Variants in JAK1 observed in about 807,000 individuals in gnomAD.
The protein encoded by JAK1 is Janus kinase 1.
JAK1 carries 16 observed loss-of-function variants against 136.6 expected under a neutral mutation model. That is an observed-to-expected ratio of 0.12 (90% confidence interval 0.08 to 0.18). JAK1 has a LOEUF of 0.18. JAK1 is among the 10% of genes least tolerant of loss of function. The pLI is 1.00. For missense variants in JAK1, 859 were observed against 1,450.1 expected (o/e 0.59, Z 6.62); for synonymous variants, 492 against 519.5 (o/e 0.95, Z 0.72).
intron 7 of JAK1, among the ~76,000 whole-genome samples, chr1:64,866,186 T>TA (rs1656693048): frequency 2.0e-5 from 3 of 152,226 alleles, no homozygotes; most frequent in Admixed American, 2.0e-4. Context: ...CCTTATGAGT[T>TA]AGACAGTAGG....
At chr1:64,922,792 A>C (rs1022124812) in intron 1 of JAK1, among the ~76,000 whole-genome samples, 2 of 152,150 alleles carry the variant, frequency 1.3e-5, no homozygotes, top group African/African-American at 4.8e-5. Context: ...AAATATCAAA[A>C]AGACCATAAG....
At chr1:64,846,837 A>C (rs1570626016) in intron 13 of JAK1, 101 bp from the exon 14 acceptor site, 179 of 835,942 alleles carry the variant, frequency 2.1e-4, no homozygotes, top group Non-Finnish European at 2.9e-4. Flanking sequence ...AGGAAAGCTC[A>C]CCACTGTCGC....
intron 2 of JAK1, among the ~76,000 whole-genome samples, chr1:65,025,567 A>T (rs148838354): frequency 6.6e-6 from 1 of 152,202 alleles, no homozygotes; most frequent in Non-Finnish European, 1.5e-5. Flanking sequence ...TTAAAAAGTC[A>T]CTAAATTTAG....
chr1:64,906,098 C>T (rs978979058), intron 1 of JAK1, among the ~76,000 whole-genome samples: 2 of 152,168 alleles, frequency 1.3e-5, no homozygotes, highest in African/African-American at 4.8e-5. Flanking sequence ...AGTTCAAGAT[C>T]AGCCTGACCA....
intron 1 of JAK1, among the ~76,000 whole-genome samples, chr1:64,952,960 G>A (rs1280390987): frequency 1.3e-5 from 2 of 152,106 alleles, no homozygotes; most frequent in East Asian, 1.9e-4. Context: ...ACTTGCCCAC[G>A]ATCACTCAGC....
At chr1:64,846,073 T>A (rs2101004582) in intron 14 of JAK1, among the ~76,000 whole-genome samples, 1 of 152,248 alleles carries the variant, frequency 6.6e-6, no homozygotes, top group African/African-American at 2.4e-5. Flanking sequence ...ACGGAACAGC[T>A]CACATTGTTG....
In JAK1 at chr1:64,986,075, G is replaced by T. The variant is rs1483474288; in HGVS notation, c.-78+58405C>A. The T allele has an allele frequency of 7.4e-6, 8 of 1,087,282 alleles. No homozygotes were observed. In the Admixed American group the frequency reaches 1.3e-4, roughly 17 times the overall value. The allele number at this position is 1,087,282 out of a possible 1,614,324, so 67.4% of individuals were successfully genotyped here. A position where few individuals can be genotyped will look rare whatever the true frequency, so the allele number is the denominator to read the frequency against. On this transcript the variant is annotated intron_variant, in intron 2 of 25. Coordinates refer to the JAK1 transcript ENST00000671954. ...TGATGGCGAAGATCAGAGATGGGGT[G>T]ACCTTCTATGTCCCCCATGGCCTCA... is the stretch of plus-strand genomic sequence containing the variant.
rs534080607 is a variant in JAK1 at position 64,985,628 on chromosome 1, A to G, written c.-78+58852T>C. The G allele has an allele frequency of 1.7e-5, 14 of 807,294 alleles. No homozygotes were observed. The South Asian group carries it at 2.2e-4, about 13-fold the overall frequency. The allele number at this position is 807,294 out of a possible 1,614,324, so 50.0% of individuals were successfully genotyped here. On this transcript the variant is annotated intron_variant, in intron 2 of 25. Transcript: ENST00000671954. ...CAACAACAATGCCCAGCTGGTTGAG[A>G]GTGCCAAAGACACCTTGCAGGCCAA...
At chr1:65,038,700 A>G (rs865782252) in intron 2 of JAK1, among the ~76,000 whole-genome samples, 5 of 151,424 alleles carry the variant, frequency 3.3e-5, no homozygotes, top group Middle Eastern at 6.8e-3. Flanking sequence ...GTGCATTGGC[A>G]TGATCTTGGC....
intron 2 of JAK1, among the ~76,000 whole-genome samples, chr1:65,001,080 G>T (rs1188385604): frequency 6.6e-6 from 1 of 152,068 alleles, no homozygotes; most frequent in Admixed American, 6.6e-5. Flanking sequence ...TCACAAAATG[G>T]GGCGTTGGAA....
At chr1:64,910,759 G>A (rs1266705619) in intron 1 of JAK1, among the ~76,000 whole-genome samples, 1 of 148,240 alleles carries the variant, frequency 6.7e-6, no homozygotes, top group Non-Finnish European at 1.5e-5. Flanking sequence ...CAGGAGAATA[G>A]TTTGAACCTG....
At chr1:64,835,036 C>A (rs1315612478) in intron 24 of JAK1, among the ~76,000 whole-genome samples, 2 of 152,172 alleles carry the variant, frequency 1.3e-5, no homozygotes, top group African/African-American at 4.8e-5. Context: ...AGGCTCAATT[C>A]ACTTAGAAAA....
chr1:64,899,678 A>G (rs1355411957), intron 1 of JAK1, among the ~76,000 whole-genome samples: 1 of 152,196 alleles, frequency 6.6e-6, no homozygotes. Context: ...GCATAGTGCT[A>G]ATATTATAAA....
chr1:64,993,961 G>T (rs1326242085), intron 2 of JAK1, among the ~76,000 whole-genome samples: 1 of 151,742 alleles, frequency 6.6e-6, no homozygotes, highest in Non-Finnish European at 1.5e-5. Flanking sequence ...ATTTTTTTGA[G>T]ACAAGGTCTC....
chr1:64,984,671 A>G lies in JAK1; in HGVS notation c.-78+59809T>C. ...TTCATCTCCATGACACAGTCCTTCC[A>G]GATCTATTTGCATCGTGTGCCTGCC... On this transcript the variant is annotated intron_variant, in intron 2 of 25. Coordinates refer to the JAK1 transcript ENST00000671954. This position sits in a 1 kb window ranked among gnomAD's most constrained non-coding sequence, Gnocchi z 4.1. 1 of 580,432 alleles carries G rather than the reference A, an allele frequency of 1.7e-6. No individual in the cohort carries two copies. Among genetic ancestry groups the G allele is most frequent in the South Asian group, 1.8e-5 (1 of 56,890 alleles). 36.0% of individuals were successfully genotyped at this position (580,432 alleles called of 1,614,324 possible). A position where few individuals can be genotyped will look rare whatever the true frequency, so the allele number is the denominator to read the frequency against.
chr1:64,921,662 T>A (rs1645495600), intron 1 of JAK1, among the ~76,000 whole-genome samples: 1 of 152,114 alleles, frequency 6.6e-6, no homozygotes, highest in Non-Finnish European at 1.5e-5. Context: ...CAAACTGATG[T>A]GTAACCTAGG....
intron 7 of JAK1, among the ~76,000 whole-genome samples, chr1:64,866,484 C>T (rs1254384496): frequency 6.6e-6 from 1 of 152,200 alleles, no homozygotes; most frequent in Non-Finnish European, 1.5e-5. Flanking sequence ...CTTCTCTGTG[C>T]CTCTTTGTAT....
At chr1:65,020,406 T>G (rs1646928854) in intron 2 of JAK1, among the ~76,000 whole-genome samples, 1 of 152,172 alleles carries the variant, frequency 6.6e-6, no homozygotes, top group Non-Finnish European at 1.5e-5. Flanking sequence ...TCTTGCAATG[T>G]GTACTACAGA....
intron 2 of JAK1, among the ~76,000 whole-genome samples, chr1:65,010,556 C>T (rs1026806732): frequency 6.6e-6 from 1 of 152,206 alleles, no homozygotes; most frequent in Non-Finnish European, 1.5e-5. Flanking sequence ...ACTGTATCGT[C>T]CAGTTAAGCT....
Sources: gnomAD v4.1 joint callset for allele counts (sites outside exome capture counted in the v4.1 genomes callset) on GRCh38, gnomAD v4.1.1 for gene constraint, Gnocchi (gnomAD v3.1) non-coding constraint, MANE v1.5 for transcripts, NCBI Gene and HGNC (gene_info 2026-07-23, HGNC 2026-07-21) for gene names.